The following DCC variants were observed in gnomAD, a reference collection of about 807,000 sequenced individuals.
DCC encodes the protein DCC netrin 1 receptor.
In DCC, 58 loss-of-function variants were observed where a neutral mutation model predicts 172.5. The ratio of observed to expected loss-of-function variants is 0.34; its 90% CI spans 0.27 to 0.42. The LOEUF is 0.42. Among genes scored for constraint, DCC ranks in the 10% least tolerant of loss-of-function variants. DCC has a pLI of 1.00. For missense variants in DCC, 1,740 were observed against 1,791.0 expected (o/e 0.97, Z 0.51); for synonymous variants, 709 against 644.5 (o/e 1.10, Z -1.52).
chr18:52,859,504 T>C (rs1048326251), intron 2 of DCC, among the ~76,000 whole-genome samples: 1 of 152,230 alleles, frequency 6.6e-6, no homozygotes. Flanking sequence ...AAATAGGCTA[T>C]AGTGGTAAAA....
chr18:52,894,908 A>G (rs2039706219), intron 2 of DCC, among the ~76,000 whole-genome samples: 1 of 152,210 alleles, frequency 6.6e-6, no homozygotes, highest in Non-Finnish European at 1.5e-5. Flanking sequence ...ACCCTTATAG[A>G]CACATCCAAA....
At chr18:52,806,117 C>A (rs2038079047) in intron 2 of DCC, among the ~76,000 whole-genome samples, 1 of 152,136 alleles carries the variant, frequency 6.6e-6, no homozygotes. Flanking sequence ...TTGAATAAAT[C>A]AGAAGCTTGC....
chr18:53,408,043 A>G (rs1054382409), intron 19 of DCC, among the ~76,000 whole-genome samples: 4 of 152,162 alleles, frequency 2.6e-5, no homozygotes, highest in Admixed American at 1.3e-4. Flanking sequence ...CAACATCTCA[A>G]GATATTCATA....
intron 24 of DCC, among the ~76,000 whole-genome samples, chr18:53,462,171 A>C (rs1436817451): frequency 6.6e-6 from 1 of 152,098 alleles, no homozygotes; most frequent in Admixed American, 6.6e-5. Context: ...CAGAAGTATG[A>C]CTTATTTATG....
At chr18:53,015,564 A>G (rs1431514597) in intron 5 of DCC, among the ~76,000 whole-genome samples, 1 of 152,146 alleles carries the variant, frequency 6.6e-6, no homozygotes, top group Non-Finnish European at 1.5e-5. Flanking sequence ...TGAAATATTT[A>G]TGTTCTACCA....
intron 7 of DCC, among the ~76,000 whole-genome samples, chr18:53,108,206 CT>C (rs779327780): frequency 1.2e-4 from 18 of 151,508 alleles, no homozygotes; most frequent in Non-Finnish European, 2.2e-4. Context: ...ATGGAGGCAG[CT>C]CCATCAATTC....
intron 25 of DCC, among the ~76,000 whole-genome samples, chr18:53,483,100 G>C (rs564258580): frequency 6.6e-6 from 1 of 151,736 alleles, no homozygotes; most frequent in Non-Finnish European, 1.5e-5. Context: ...AAGACACAAA[G>C]ACAACAAAAT....
chr18:52,722,682 G>A (rs9956976), intron 1 of DCC, among the ~76,000 whole-genome samples: 50,842 of 151,816 alleles, frequency 0.33, 8,717 homozygotes, highest in African/African-American at 0.39. Flanking sequence ...TCTTCTTTTT[G>A]AGGAACTCTC....
chr18:52,395,701 T>C lies in DCC; in HGVS notation c.91+54823T>C, dbSNP rs564045002. Reference sequence around the variant, plus strand: ...TATTCTGAGCCTGAGATCTGCCTTCTTCTTACTCTGGCAAATCAGAACCAA... The same window carrying C: ...TATTCTGAGCCTGAGATCTGCCTTCCTCTTACTCTGGCAAATCAGAACCAA... On this transcript the variant is annotated intron_variant, in intron 1 of 28. Coordinates refer to ENST00000442544, the MANE Select transcript of DCC (RefSeq NM_005215.4). Among the ~76,000 whole-genome samples, 4 of 152,174 alleles carry C rather than the reference T, an allele frequency of 2.6e-5. No homozygotes were observed. The South Asian group carries it at 8.3e-4, about 32-fold the overall frequency.
intron 7 of DCC, among the ~76,000 whole-genome samples, chr18:53,151,357 C>T (rs999445736): frequency 6.6e-6 from 1 of 152,172 alleles, no homozygotes; most frequent in Non-Finnish European, 1.5e-5. Flanking sequence ...CATAGTCTTA[C>T]ACAGGTACAT....
chr18:53,155,357 C>T (rs959983471), intron 7 of DCC, among the ~76,000 whole-genome samples: 7 of 152,096 alleles, frequency 4.6e-5, no homozygotes, highest in South Asian at 2.1e-4. Context: ...ATTTTATATC[C>T]GCAAATGGGT....
chr18:52,528,437 T>C (rs1462099704), intron 1 of DCC, among the ~76,000 whole-genome samples: 1 of 152,194 alleles, frequency 6.6e-6, no homozygotes, highest in Non-Finnish European at 1.5e-5. Flanking sequence ...TTTGACCATA[T>C]TTCTGAGTTT....
intron 2 of DCC, among the ~76,000 whole-genome samples, chr18:52,869,654 C>T (rs745382952): frequency 2.0e-5 from 3 of 152,238 alleles, no homozygotes; most frequent in Non-Finnish European, 4.4e-5. Flanking sequence ...AGGCCAGCAC[C>T]GAGCTGCCCT....
At chr18:53,497,828 T>G (rs2046044357) in intron 26 of DCC, among the ~76,000 whole-genome samples, 1 of 152,250 alleles carries the variant, frequency 6.6e-6, no homozygotes, top group African/African-American at 2.4e-5. Context: ...CTTTTTCTTC[T>G]TCTTTGGTAA....
chr18:53,207,218 C>A (rs747956348), intron 10 of DCC, among the ~76,000 whole-genome samples: 11 of 152,278 alleles, frequency 7.2e-5, no homozygotes, highest in South Asian at 2.1e-4. Flanking sequence ...ACCAATCTAA[C>A]AGCATTTTGG....
Position 52,662,362 on chromosome 18 carries a change from G to C in DCC, c.92-89692G>C, listed in dbSNP as rs368149071. 5.0e-3 allele frequency among the ~76,000 whole-genome samples: 765 copies of C among 152,120 alleles called. 4 individuals carry two copies. Among genetic ancestry groups the C allele is most frequent in the African/African-American group, 0.016 (663 of 41,494 alleles). On this transcript the variant is annotated intron_variant, in intron 1 of 28. Coordinates refer to ENST00000442544, the MANE Select transcript of DCC (RefSeq NM_005215.4). Reference sequence around the variant, plus strand: ...AATGATAATAGAAACAATCCAATAAGGATATGAATTTCTGGAATGAAAGGA... The same window carrying C: ...AATGATAATAGAAACAATCCAATAACGATATGAATTTCTGGAATGAAAGGA...
intron 1 of DCC, among the ~76,000 whole-genome samples, chr18:52,421,643 A>T (rs1399715367): frequency 6.6e-6 from 1 of 152,164 alleles, no homozygotes; most frequent in Non-Finnish European, 1.5e-5. Flanking sequence ...TGATCTTGGC[A>T]CTTGAGCCTT....
intron 1 of DCC, among the ~76,000 whole-genome samples, chr18:52,511,833 C>A (rs1043069218): frequency 6.6e-6 from 1 of 152,226 alleles, no homozygotes; most frequent in Non-Finnish European, 1.5e-5. Context: ...CAGAGAGTTT[C>A]ATTTTCAGGA....
chr18:52,606,994 A>G (rs1483382633), intron 1 of DCC, among the ~76,000 whole-genome samples: 1 of 152,078 alleles, frequency 6.6e-6, no homozygotes, highest in Non-Finnish European at 1.5e-5. Context: ...GAATCTATAC[A>G]TTTTCACGCA....
Sources: allele counts gnomAD v4.1 joint callset (sites outside exome capture counted in the v4.1 genomes callset), GRCh38; gene constraint gnomAD v4.1.1; transcripts MANE v1.5; gene names NCBI Gene and HGNC (gene_info 2026-07-23, HGNC 2026-07-21).